Variants in ADGRB3 observed in about 807,000 individuals in gnomAD.
The protein encoded by ADGRB3 is brain-specific angiogenesis inhibitor 3.
Under a neutral mutation model 193.4 loss-of-function variants are expected in ADGRB3, and 37 were observed. The observed-to-expected ratio is 0.19, with a 90% confidence interval of 0.15 to 0.25. The LOEUF (loss-of-function observed/expected upper bound fraction) is 0.25, where lower values mean the gene tolerates loss of function less well. Among genes scored for constraint, ADGRB3 ranks in the 10% least tolerant of loss-of-function variants. ADGRB3 has a pLI of 1.00. For synonymous variants in ADGRB3, 690 were observed against 644.2 expected (o/e 1.07, Z -1.08); for missense variants, 1,637 against 1,852.9 (o/e 0.88, Z 2.14).
At chr6:69,008,569 A>C (rs1340355960) in intron 11 of ADGRB3, among the ~76,000 whole-genome samples, 1 of 152,106 alleles carries the variant, frequency 6.6e-6, no homozygotes, top group Admixed American at 6.6e-5. Context: ...TCCTTTGCTG[A>C]ACAAAGCAGC....
Position 68,881,675 on chromosome 6 carries a change from G to A in ADGRB3, c.758-48884G>A, listed in dbSNP as rs112390930. Reference sequence around the variant, plus strand: ...TTAGTCTCTGACACCAGAAATCATAGCCTCTCAGAAATTACAGTTCACTGT... The same window carrying A: ...TTAGTCTCTGACACCAGAAATCATAACCTCTCAGAAATTACAGTTCACTGT... On this transcript the variant is annotated intron_variant, in intron 3 of 31. Coordinates refer to ENST00000370598, the MANE Select transcript of ADGRB3 (RefSeq NM_001704.3). 2.2e-3 allele frequency among the ~76,000 whole-genome samples: 338 copies of A among 152,272 alleles called. 3 individuals carry two copies. The highest frequency in any genetic ancestry group is 7.6e-3 in the African/African-American group (316 of 41,564).
intron 3 of ADGRB3, among the ~76,000 whole-genome samples, chr6:68,671,242 G>A (rs185499830): frequency 1.5e-4 from 23 of 151,934 alleles, no homozygotes; most frequent in Admixed American, 1.3e-3. Context: ...TGGATGTCCT[G>A]TGTTTCTTTC....
At position 68,951,389 on chromosome 6, in the gene ADGRB3, C is replaced by G. The variant is rs574986399; in HGVS notation, c.1196-4635C>G. On this transcript the variant is annotated intron_variant, in intron 6 of 31. Coordinates refer to ENST00000370598, the MANE Select transcript of ADGRB3 (RefSeq NM_001704.3). ...GCCTGAGCACTCCCTATCACATCGC[C>G]CTCTTTATCACGTTGTCTTCATAAC... Among the ~76,000 whole-genome samples, 144 of 152,124 alleles carry G rather than the reference C, an allele frequency of 9.5e-4. 1 individual carries two copies. The highest frequency in any genetic ancestry group is 1.7e-3 in the South Asian group (8 of 4,818).
chr6:69,255,884 G>A (rs549961011), intron 20 of ADGRB3, among the ~76,000 whole-genome samples: 5 of 152,134 alleles, frequency 3.3e-5, no homozygotes, highest in Non-Finnish European at 5.9e-5. Context: ...TTTGTATAAG[G>A]TGTAAGGAAG....
intron 3 of ADGRB3, among the ~76,000 whole-genome samples, chr6:68,648,918 A>G (rs951675282): frequency 6.6e-6 from 1 of 152,164 alleles, no homozygotes; most frequent in African/African-American, 2.4e-5. Flanking sequence ...CATTTAAATA[A>G]AGATTTCATA....
chr6:69,172,660 AAAAAAAAAAAAAG>A lies in ADGRB3; in HGVS notation c.2481-60628_2481-60616del, dbSNP rs1185750355. Among the ~76,000 whole-genome samples the A allele has an allele frequency of 2.7e-4, 40 of 147,474 alleles. 3 individuals carry two copies. The East Asian group carries it at 6.3e-3, about 23-fold the overall frequency. ...CTCTGTCTCAAAAAAAAAAAAAAAAAAAAAAAAAAAAAGAGAAATAAAGAAAAAGAAAAGAAAG... is the reference window on the plus strand; with the variant it reads ...CTCTGTCTCAAAAAAAAAAAAAAAAAAGAAATAAAGAAAAAGAAAAGAAAG... On this transcript the variant is annotated intron_variant, in intron 17 of 31. Transcript: ENST00000370598.
intron 3 of ADGRB3, among the ~76,000 whole-genome samples, chr6:68,682,959 G>A (rs553064421): frequency 2.2e-4 from 34 of 152,000 alleles, no homozygotes; most frequent in Admixed American, 9.8e-4. Flanking sequence ...TGTATTCTTA[G>A]TAGTGACAGG....
intron 17 of ADGRB3, among the ~76,000 whole-genome samples, chr6:69,196,626 T>C (rs1765302409): frequency 6.6e-6 from 1 of 152,132 alleles, no homozygotes. Context: ...TAATTCTAAC[T>C]GCCTAATTTT....
chr6:69,192,540 A>T (rs555119268), intron 17 of ADGRB3, among the ~76,000 whole-genome samples: 337 of 152,290 alleles, frequency 2.2e-3, no homozygotes, highest in African/African-American at 7.6e-3. Context: ...AAGTTGACAC[A>T]CAATATTAAC....
At chr6:68,663,878 C>A (rs1045976421) in intron 3 of ADGRB3, among the ~76,000 whole-genome samples, 1 of 151,778 alleles carries the variant, frequency 6.6e-6, no homozygotes, top group Admixed American at 6.6e-5. Context: ...ACATTGTGAT[C>A]TTTAGAGTTA....
At chr6:69,042,470 G>A (rs1007980991) in intron 13 of ADGRB3, among the ~76,000 whole-genome samples, 7 of 152,258 alleles carry the variant, frequency 4.6e-5, no homozygotes, top group Admixed American at 6.5e-5. Flanking sequence ...GATGCCTTTA[G>A]TATTTTACAA....
At chr6:69,123,705 A>C (rs1773780441) in intron 17 of ADGRB3, among the ~76,000 whole-genome samples, 1 of 152,168 alleles carries the variant, frequency 6.6e-6, no homozygotes, top group Non-Finnish European at 1.5e-5. Context: ...TCATGGGAGT[A>C]GGGGAGCGAA....
At chr6:68,923,410 C>T (rs17476598) in intron 3 of ADGRB3, among the ~76,000 whole-genome samples, 19,654 of 151,934 alleles carry the variant, frequency 0.13, 1,324 homozygotes, top group African/African-American at 0.14. Flanking sequence ...TACCTAAATA[C>T]CAGTGTTTTA....
intron 17 of ADGRB3, among the ~76,000 whole-genome samples, chr6:69,136,265 T>C (rs1022326982): frequency 1.3e-5 from 2 of 152,090 alleles, no homozygotes; most frequent in Non-Finnish European, 2.9e-5. Flanking sequence ...AACATTGGTT[T>C]ATCTCTCTCA....
intron 3 of ADGRB3, among the ~76,000 whole-genome samples, chr6:68,912,991 C>T (rs181730049): frequency 0.012 from 1,802 of 152,276 alleles, 15 homozygotes; most frequent in South Asian, 0.03. Flanking sequence ...AACTGCAAGG[C>T]GGCAGCGAGG....
At chr6:69,344,236 T>A (rs1279194826) in intron 26 of ADGRB3, among the ~76,000 whole-genome samples, 1 of 152,174 alleles carries the variant, frequency 6.6e-6, no homozygotes, top group Non-Finnish European at 1.5e-5. Flanking sequence ...TTCTGTAGCA[T>A]CACTAACAGG....
chr6:68,795,692 GC>G (rs1459596677), intron 3 of ADGRB3, among the ~76,000 whole-genome samples: 7 of 152,044 alleles, frequency 4.6e-5, no homozygotes, highest in Non-Finnish European at 8.8e-5. Context: ...AAAAGGTTAA[GC>G]TAAGTAAGAA....
At chr6:68,919,163 C>T (rs903810041) in intron 3 of ADGRB3, among the ~76,000 whole-genome samples, 2 of 152,094 alleles carry the variant, frequency 1.3e-5, no homozygotes, top group Non-Finnish European at 2.9e-5. Flanking sequence ...TATTCTATAG[C>T]CAGTAACTTT....
In ADGRB3 at chr6:69,079,099, CAATT is replaced by C. The variant is rs1772315918; in HGVS notation, c.2480+3066_2480+3069del. Among the ~76,000 whole-genome samples, 3 of 152,126 alleles carry C rather than the reference CAATT, an allele frequency of 2.0e-5. No individual in the cohort carries two copies. In the South Asian group the frequency reaches 6.2e-4, roughly 32 times the overall value. ...GTTAAATAGTAAGATCCATTATAAA[CAATT>C]AATTTTATTTCCAAGGGTAATCTAT... On this transcript the variant is annotated intron_variant, in intron 17 of 31. Transcript: ENST00000370598.
Sources: gnomAD v4.1 joint callset for allele counts (sites outside exome capture counted in the v4.1 genomes callset) on GRCh38, gnomAD v4.1.1 for gene constraint, MANE v1.5 for transcripts, NCBI Gene and HGNC (gene_info 2026-07-23, HGNC 2026-07-21) for gene names.